Variants in NAA30 observed in about 807,000 individuals in gnomAD.
NAA30 encodes the protein N-alpha-acetyltransferase 30, NatC catalytic subunit.
NAA30 carries 5 observed loss-of-function variants against 31.4 expected under a neutral mutation model. The ratio of observed to expected loss-of-function variants is 0.16; its 90% CI spans 0.08 to 0.33. The LOEUF is 0.33. NAA30 is among the 10% of genes least tolerant of loss of function. The pLI is 1.00. For missense variants in NAA30, 428 were observed against 490.8 expected, an observed-to-expected ratio of 0.87 and a Z score of 1.21; for synonymous variants, 222 against 207.1, an observed-to-expected ratio of 1.07 and a Z score of -0.62.
chr14:57,391,624 C>T lies in NAA30; in HGVS notation c.667C>T (p.Gln223Ter). 1 of 1,614,252 alleles carries T rather than the reference C, an allele frequency of 6.2e-7. No individual in the cohort carries two copies. The highest frequency in any genetic ancestry group is 8.5e-7 in the Non-Finnish European group (1 of 1,180,040). ...ATATGTCCGATATGAATCCGAGCTA[C>T]AAATGCCCGATATCATGAGACTGAT... ...IRYVRYESEL[Q>*]MPDIMRLITK... Residue 223 changes from glutamine (Q) to a stop codon, truncating the protein, a stop_gained, in exon 2 of 5, where the codon CAA (glutamine) becomes TAA (stop). Coordinates refer to ENST00000556492, the MANE Select transcript of NAA30 (RefSeq NM_001011713.3). LOFTEE classifies it high-confidence loss of function. The surrounding 1 kb of genome is among the most constrained non-coding windows in gnomAD (Gnocchi z 4.1).
At position 57,409,670 on chromosome 14, in the gene NAA30, C is replaced by A. The variant is rs1181776530; in HGVS notation, c.*154C>A. The A allele has an allele frequency of 4.7e-6, 3 of 636,202 alleles. No homozygotes were observed. The highest frequency in any genetic ancestry group is 7.3e-6 in the Non-Finnish European group (3 of 413,324). 39.4% of individuals were successfully genotyped at this position (636,202 alleles called of 1,614,324 possible). The stretch of plus-strand genomic sequence containing the variant: ...TGAGTGTCGCACAATATTTGTTGCA[C>A]TTTGGCATGGCACATTTGTTCTGAA... On this transcript the variant is annotated 3_prime_UTR_variant, in exon 5 of 5. Transcript: ENST00000556492.
Position 57,390,971 on chromosome 14 carries a change from C to G in NAA30, c.14C>G (p.Pro5Arg). The change falls in exon 2 of 5, where the codon CCG becomes CGG. Residue 5 changes from proline (P) to arginine (R), a missense_variant. This residue lies in a region of NAA30 where 349 missense variants were observed against 310.4 expected (regional missense o/e 1.12). Coordinates refer to ENST00000556492, the MANE Select transcript of NAA30 (RefSeq NM_001011713.3). MAEV[P>R]PGPSSLLPPP... ...GTCGCTTCTAGGATGGCGGAGGTAC[C>G]GCCTGGGCCTAGCAGCCTCCTCCCA... is the stretch of plus-strand genomic sequence containing the variant. 1 of 1,484,052 alleles carries G rather than the reference C, an allele frequency of 6.7e-7. No individual in the cohort carries two copies. The highest frequency in any genetic ancestry group is 2.5e-5 in the East Asian group (1 of 39,782). The allele number at this position is 1,484,052 out of a possible 1,614,324, so 91.9% of individuals were successfully genotyped here. A position where few individuals can be genotyped will look rare whatever the true frequency, so the allele number is the denominator to read the frequency against.
intron 1 of NAA30, 72 bp downstream of exon 1, chr14:57,390,777 C>T: frequency 1.8e-6 from 1 of 548,522 alleles, no homozygotes; most frequent in Non-Finnish European, 2.8e-6. Context: ...CGGTGGCCGG[C>T]TGAGCAGCTG....
intron 2 of NAA30, among the ~76,000 whole-genome samples, chr14:57,393,310 C>T (rs2066437664): frequency 1.3e-5 from 2 of 152,134 alleles, no homozygotes; most frequent in African/African-American, 4.8e-5. Flanking sequence ...AGAACCCTCC[C>T]AATTCACCAG....
chr14:57,392,883 T>C lies in NAA30; in HGVS notation c.771+1155T>C, dbSNP rs139645932. 3.7e-3 allele frequency among the ~76,000 whole-genome samples: 569 copies of C among 152,332 alleles called. 4 individuals are homozygous for C. The highest frequency in any genetic ancestry group is 0.013 in the African/African-American group (545 of 41,584). On this transcript the variant is annotated intron_variant, in intron 2 of 4. Transcript: ENST00000556492. ...GTATTGTAGATAATGGTAGTTCTAT[T>C]TTCTGTCTTAACTTGCTTAAACTTC...
Position 57,391,018 on chromosome 14 carries a change from G to A in NAA30, c.61G>A (p.Ala21Thr). The A allele has an allele frequency of 2.0e-6, 3 of 1,497,440 alleles. No individual in the cohort carries two copies. The highest frequency in any genetic ancestry group is 2.7e-6 in the Non-Finnish European group (3 of 1,131,776). The allele number at this position is 1,497,440 out of a possible 1,614,324, so 92.8% of individuals were successfully genotyped here. A position where few individuals can be genotyped will look rare whatever the true frequency, so the allele number is the denominator to read the frequency against. ...CCCACCACCAGCACCTCCGGCCCCG[G>A]CGGCGGTCGAGCCCCGCTGTCCCTT... ...LLPPPAPPAP[A>T]AVEPRCPFPA... is the part of the protein sequence containing the mutation. Residue 21 changes from alanine to threonine, a missense_variant, in exon 2 of 5, where the codon GCG becomes ACG. By Grantham distance (58) the Ala-to-Thr change is moderately conservative (BLOSUM62 0). This residue lies in a region of NAA30 where 349 missense variants were observed against 310.4 expected (regional missense o/e 1.12). Coordinates refer to ENST00000556492, the MANE Select transcript of NAA30 (RefSeq NM_001011713.3). This position sits in a 1 kb window ranked among gnomAD's most constrained non-coding sequence, Gnocchi z 4.1.
chr14:57,393,726 G>A (rs558821075), intron 2 of NAA30, among the ~76,000 whole-genome samples: 3 of 152,082 alleles, frequency 2.0e-5, no homozygotes, highest in South Asian at 2.1e-4. Context: ...TGACAGAGGG[G>A]TAGGTTTTGT....
Position 57,409,539 on chromosome 14 carries a change from T to C in NAA30, c.*23T>C. ...TGAGAAACTGACATCAAGGAACAAC[T>C]ATCATCCGCACAGAATCGACCTTTG... On this transcript the variant is annotated 3_prime_UTR_variant, in exon 5 of 5. Transcript: ENST00000556492. The C allele has an allele frequency of 1.3e-6, 2 of 1,590,582 alleles. No homozygotes were observed. Among genetic ancestry groups the C allele is most frequent in the African/African-American group, 2.7e-5 (2 of 73,734 alleles).
At position 57,391,234 on chromosome 14, in the gene NAA30, C is replaced by A; in HGVS notation, c.277C>A (p.Arg93=). 1 of 1,612,124 alleles carries A rather than the reference C, an allele frequency of 6.2e-7. No homozygotes were observed. Among genetic ancestry groups the A allele is most frequent in the Non-Finnish European group, 8.5e-7 (1 of 1,179,830 alleles). The change falls in exon 2 of 5, where the codon CGG becomes AGG. Residue 93 remains arginine, a synonymous_variant. Transcript: ENST00000556492. This position sits in a 1 kb window ranked among gnomAD's most constrained non-coding sequence, Gnocchi z 4.1. ...CAACGGATTGATTAGCCCCGAACTGCGGCACCTCCGGGCGGCCGCCTCCCT... is the reference window on the plus strand; with the variant it reads ...CAACGGATTGATTAGCCCCGAACTGAGGCACCTCCGGGCGGCCGCCTCCCT... ...QLNGLISPEL[R]HLRAAASLKS... is the part of the protein sequence containing the mutation.
chr14:57,392,272 T>C (rs867836422), intron 2 of NAA30, among the ~76,000 whole-genome samples: 10 of 152,234 alleles, frequency 6.6e-5, no homozygotes, highest in African/African-American at 2.4e-4. Flanking sequence ...CAATTAACAG[T>C]TGTAGCCAGC....
intron 1 of NAA30, 43 bp from the exon 2 acceptor site, chr14:57,390,914 G>A: frequency 6.9e-7 from 1 of 1,450,602 alleles, no homozygotes; most frequent in Non-Finnish European, 9.0e-7. Context: ...GCGCTCCTCG[G>A]CCGGGTTTCA....
At chr14:57,409,212 T>C (rs1265170053) in intron 4 of NAA30, among the ~76,000 whole-genome samples, 167 bp from the exon 5 acceptor site, 1 of 152,080 alleles carries the variant, frequency 6.6e-6, no homozygotes, top group African/African-American at 2.4e-5. Context: ...GACCCAAATA[T>C]AATATTACAA....
chr14:57,403,977 A>G (rs943639134), intron 4 of NAA30, among the ~76,000 whole-genome samples: 1 of 152,164 alleles, frequency 6.6e-6, no homozygotes, highest in East Asian at 1.9e-4. Context: ...TTAATCTCTG[A>G]AAACTTCAAG....
chr14:57,397,366 G>T (rs917740830), intron 3 of NAA30, among the ~76,000 whole-genome samples: 2 of 152,122 alleles, frequency 1.3e-5, no homozygotes, highest in African/African-American at 4.8e-5. Flanking sequence ...ATTGTTTCTT[G>T]TAATTCCCAA....
intron 2 of NAA30, among the ~76,000 whole-genome samples, chr14:57,392,146 A>G (rs571076822): frequency 1.3e-5 from 2 of 152,332 alleles, no homozygotes; most frequent in African/African-American, 4.8e-5. Context: ...GAGTGTATGC[A>G]TAAACATGTT....
chr14:57,398,667 C>CT, intron 3 of NAA30, among the ~76,000 whole-genome samples: 2 of 151,788 alleles, frequency 1.3e-5, no homozygotes, highest in South Asian at 2.1e-4. Flanking sequence ...TAGTCTCACT[C>CT]TGTCGCCCAG....
chr14:57,404,779 C>T (rs966231270), intron 4 of NAA30, among the ~76,000 whole-genome samples: 43 of 152,224 alleles, frequency 2.8e-4, no homozygotes, highest in African/African-American at 9.6e-4. Context: ...GGGAATTCCT[C>T]TTTTTAAAAC....
At position 57,415,073 on chromosome 14, in the gene NAA30, A is replaced by G. The variant is rs900103673; in HGVS notation, c.*5557A>G. ...ACCTCTTTGCTGTATGAATATCTTA[A>G]TTTTCTAATACCTCAGTTTCATGAG... On this transcript the variant is annotated 3_prime_UTR_variant, in exon 5 of 5. Coordinates refer to ENST00000556492, the MANE Select transcript of NAA30 (RefSeq NM_001011713.3). 1.3e-5 allele frequency: 2 copies of G among 152,114 alleles called. No homozygotes were observed. The highest frequency in any genetic ancestry group is 1.3e-4 in the Admixed American group (2 of 15,268). The allele number at this position is 152,114 out of a possible 1,614,324, so 9.4% of individuals were successfully genotyped here. A position where few individuals can be genotyped will look rare whatever the true frequency, so the allele number is the denominator to read the frequency against.
intron 3 of NAA30, among the ~76,000 whole-genome samples, chr14:57,399,467 A>AT: frequency 6.6e-6 from 1 of 152,196 alleles, no homozygotes; most frequent in Non-Finnish European, 1.5e-5. Flanking sequence ...AGTTCTGGCC[A>AT]ACTCACGGGG....
Sources: allele counts gnomAD v4.1 joint callset (sites outside exome capture counted in the v4.1 genomes callset), GRCh38; gene constraint gnomAD v4.1.1; regional missense constraint gnomAD v4.1.1; non-coding constraint Gnocchi (gnomAD v3.1); transcripts MANE v1.5; gene names NCBI Gene and HGNC (gene_info 2026-07-23, HGNC 2026-07-21).